SHOC2: variants seen among roughly 807,000 people sequenced by gnomAD.
SHOC2 encodes leucine-rich repeat protein SHOC-2.
Under a neutral mutation model 50.2 loss-of-function variants are expected in SHOC2, and 4 were observed. That is an observed-to-expected ratio of 0.08 (90% CI 0.04 to 0.18). The LOEUF (loss-of-function observed/expected upper bound fraction) is 0.18. Ranked by LOEUF, SHOC2 falls within the 10% of genes least tolerant of loss-of-function variation. The pLI is 1.00. For synonymous variants in SHOC2, 218 were observed against 244.5 expected (o/e 0.89, Z 1.01); for missense variants, 388 against 669.6 (o/e 0.58, Z 4.64).
intron 3 of SHOC2, among the ~76,000 whole-genome samples, chr10:110,993,756 AT>A (rs1447387200): frequency 6.6e-6 from 1 of 152,198 alleles, no homozygotes; most frequent in Non-Finnish European, 1.5e-5. Flanking sequence ...TGGATGAGAA[AT>A]TTCAAGAATC....
At chr10:110,990,590 A>G (rs1433058982) in intron 3 of SHOC2, among the ~76,000 whole-genome samples, 1 of 152,028 alleles carries the variant, frequency 6.6e-6, no homozygotes, top group Non-Finnish European at 1.5e-5. Context: ...CCCTGACAAA[A>G]CAGGCCACTC....
intron 3 of SHOC2, among the ~76,000 whole-genome samples, chr10:110,993,046 A>G (rs953017761): frequency 3.3e-5 from 5 of 152,256 alleles, no homozygotes; most frequent in Admixed American, 3.3e-4. Context: ...TGATTTCACC[A>G]TATTTTAAAA....
At chr10:110,930,633 A>T (rs1846874711) in intron 1 of SHOC2, among the ~76,000 whole-genome samples, 1 of 151,862 alleles carries the variant, frequency 6.6e-6, no homozygotes, top group African/African-American at 2.4e-5. Context: ...TTTGCATGGG[A>T]AATGAAAAGT....
chr10:110,985,891 T>G lies in SHOC2; in HGVS notation c.841+126T>G, dbSNP rs1179991617. 6.3e-6 allele frequency: 5 copies of G among 794,962 alleles called. No homozygotes were observed. The Admixed American group carries it at 1.1e-4, about 18-fold the overall frequency. 49.2% of individuals were successfully genotyped at this position (794,962 alleles called of 1,614,324 possible). A position where few individuals can be genotyped will look rare whatever the true frequency, so the allele number is the denominator to read the frequency against. ...TTCACAATTACCAAAGTTGTAAAAC[T>G]TTTAAGATAATATTTTAAAATCATT... On this transcript the variant is annotated intron_variant, in intron 3 of 8. Coordinates refer to ENST00000369452, the MANE Select transcript of SHOC2 (RefSeq NM_007373.4).
intron 1 of SHOC2, among the ~76,000 whole-genome samples, chr10:110,926,174 T>C (rs1279042123): frequency 6.6e-6 from 1 of 152,216 alleles, no homozygotes; most frequent in Non-Finnish European, 1.5e-5. Context: ...TCCTTTTTTA[T>C]AACACTATTT....
At chr10:110,998,266 T>C (rs1233308558) in intron 3 of SHOC2, among the ~76,000 whole-genome samples, 1 of 152,164 alleles carries the variant, frequency 6.6e-6, no homozygotes, top group Admixed American at 6.5e-5. Context: ...CCCAAAGTGC[T>C]GGGATTACAG....
At chr10:110,983,412 T>C (rs918973400) in intron 2 of SHOC2, among the ~76,000 whole-genome samples, 1 of 152,194 alleles carries the variant, frequency 6.6e-6, no homozygotes, top group Admixed American at 6.5e-5. Flanking sequence ...CTTAGATTAC[T>C]GATTTGAGAT....
At chr10:110,948,922 T>A (rs1347133657) in intron 1 of SHOC2, among the ~76,000 whole-genome samples, 1 of 152,148 alleles carries the variant, frequency 6.6e-6, no homozygotes, top group Non-Finnish European at 1.5e-5. Context: ...CTTAAAACAT[T>A]ATGAGAGATT....
At chr10:110,960,437 A>G (rs1189457718) in intron 1 of SHOC2, among the ~76,000 whole-genome samples, 1 of 152,172 alleles carries the variant, frequency 6.6e-6, no homozygotes, top group Non-Finnish European at 1.5e-5. Flanking sequence ...GAAATCCAAC[A>G]TGGGATGGGA....
chr10:110,982,071 G>T (rs1240015719), intron 2 of SHOC2, among the ~76,000 whole-genome samples: 1 of 136,604 alleles, frequency 7.3e-6, no homozygotes, highest in African/African-American at 2.7e-5. Context: ...TGATCTCATT[G>T]TTCAGTTCCC....
chr10:110,964,567 A>G lies in SHOC2; in HGVS notation c.209A>G (p.Asn70Ser), dbSNP rs1847636733. Residue 70 changes from asparagine (N) to serine (S), a missense_variant, in exon 2 of 9, where the codon AAT (asparagine) becomes AGT (serine). By Grantham distance (46) the Asn-to-Ser change is conservative. Coordinates refer to ENST00000369452, the MANE Select transcript of SHOC2 (RefSeq NM_007373.4). The surrounding 1 kb of genome is among the most constrained non-coding windows in gnomAD (Gnocchi z 4.9). ...CCAGGGGTGGCATTTTCAGTTGACA[A>G]TACGATCAAACGGCCAAACCCAGCA... ...AQPGVAFSVDNTIKRPNPAPG... is the reference protein window; with the variant it reads ...AQPGVAFSVDSTIKRPNPAPG... 2 of 1,614,014 alleles carry G rather than the reference A, an allele frequency of 1.2e-6. No individual in the cohort carries two copies. Among genetic ancestry groups the G allele is most frequent in the East Asian group, 2.2e-5 (1 of 44,894 alleles).
chr10:110,932,504 T>G (rs939700226), intron 1 of SHOC2, among the ~76,000 whole-genome samples: 1 of 152,162 alleles, frequency 6.6e-6, no homozygotes, highest in Non-Finnish European at 1.5e-5. Context: ...GAGAAGCCAA[T>G]GGCATTGAGA....
At chr10:110,935,894 A>C (rs1486670549) in intron 1 of SHOC2, among the ~76,000 whole-genome samples, 1 of 152,168 alleles carries the variant, frequency 6.6e-6, no homozygotes, top group African/African-American at 2.4e-5. Flanking sequence ...CCATAGCCAT[A>C]GTTTTAGACC....
chr10:110,989,670 C>T (rs986277548), intron 3 of SHOC2, among the ~76,000 whole-genome samples: 4 of 152,048 alleles, frequency 2.6e-5, no homozygotes, highest in African/African-American at 9.7e-5. Flanking sequence ...GCTTGGCCAG[C>T]CAAAGTATTA....
At chr10:110,924,181 G>A (rs1846710383) in intron 1 of SHOC2, among the ~76,000 whole-genome samples, 1 of 152,186 alleles carries the variant, frequency 6.6e-6, no homozygotes, top group Non-Finnish European at 1.5e-5. Flanking sequence ...TCTGCTGAAT[G>A]CCATGTGTGT....
intron 3 of SHOC2, among the ~76,000 whole-genome samples, chr10:110,999,811 T>C (rs1334251538): frequency 2.6e-5 from 4 of 151,666 alleles, no homozygotes. Flanking sequence ...ATAATGACTA[T>C]TTTGTGCTCA....
intron 2 of SHOC2, among the ~76,000 whole-genome samples, chr10:110,966,400 C>G (rs892388734): frequency 6.6e-6 from 1 of 151,938 alleles, no homozygotes; most frequent in Non-Finnish European, 1.5e-5. Context: ...CATATTTAGT[C>G]AAAATTTGAC....
At chr10:110,965,300 A>G (rs559854356) in intron 2 of SHOC2, among the ~76,000 whole-genome samples, 1 of 152,266 alleles carries the variant, frequency 6.6e-6, no homozygotes, top group South Asian at 2.1e-4. Flanking sequence ...TCCCACACAA[A>G]CCTAATCTTT....
Position 111,000,583 on chromosome 10 carries a change from G to T in SHOC2, c.972+38G>T, listed in dbSNP as rs962107184. 20 of 1,563,944 alleles carry T rather than the reference G, an allele frequency of 1.3e-5. No homozygotes were observed. The Admixed American group carries it at 2.0e-4, about 16-fold the overall frequency. On this transcript the variant is annotated intron_variant, in intron 4 of 8. Coordinates refer to ENST00000369452, the MANE Select transcript of SHOC2 (RefSeq NM_007373.4). Reference sequence around the variant, plus strand: ...TTAGAGAAAACAAGATTTGAAATGAGTCTGCAAGATAATTCAAGGAAAGCT... The same window carrying T: ...TTAGAGAAAACAAGATTTGAAATGATTCTGCAAGATAATTCAAGGAAAGCT...
Sources: allele counts gnomAD v4.1 joint callset (sites outside exome capture counted in the v4.1 genomes callset), GRCh38; gene constraint gnomAD v4.1.1; non-coding constraint Gnocchi (gnomAD v3.1); transcripts MANE v1.5; gene names NCBI Gene and HGNC (gene_info 2026-07-23, HGNC 2026-07-21).